Variants in SLC1A6 observed in about 807,000 individuals in gnomAD.
SLC1A6 encodes the protein excitatory amino acid transporter 4.
A neutral mutation model predicts 42.1 loss-of-function variants in SLC1A6; 15 were observed. That is an observed-to-expected ratio of 0.36 (90% CI 0.24 to 0.55). SLC1A6 has a LOEUF of 0.55. Ranked by LOEUF, SLC1A6 falls within the 20% of genes least tolerant of loss-of-function variation. SLC1A6 has a pLI of 0.88. For synonymous variants in SLC1A6, 317 were observed against 319.7 expected (o/e 0.99, Z 0.09); for missense variants, 542 against 772.5 (o/e 0.70, Z 3.54).
chr19:14,959,164 G>T (rs144116235), intron 6 of SLC1A6, among the ~76,000 whole-genome samples: 251 of 152,282 alleles, frequency 1.6e-3, no homozygotes, highest in African/African-American at 5.6e-3. Context: ...GTGCTCACAG[G>T]CATGTCCCAG....
chr19:14,975,776 A>G (rs113176077), intron 1 of SLC1A6, among the ~76,000 whole-genome samples: 95,946 of 134,046 alleles, frequency 0.72, 35,451 homozygotes, highest in African/African-American at 0.81. Flanking sequence ...GGAAAAAAAA[A>G]AAAGAAAGAA....
intron 9 of SLC1A6, among the ~76,000 whole-genome samples, chr19:14,951,253 C>CT: frequency 1.2e-5 from 1 of 86,862 alleles, no homozygotes; most frequent in Non-Finnish European, 2.1e-5. Context: ...CTCTGTCTCA[C>CT]AAAAAAAAAA....
intron 1 of SLC1A6, among the ~76,000 whole-genome samples, chr19:14,995,939 G>T (rs971389241): frequency 6.6e-6 from 1 of 152,090 alleles, no homozygotes; most frequent in Admixed American, 6.6e-5. Flanking sequence ...GGAAGGAAAA[G>T]GGGGTGTCCA....
intron 1 of SLC1A6, among the ~76,000 whole-genome samples, chr19:14,987,925 C>A (rs2145229623): frequency 6.6e-6 from 1 of 152,262 alleles, no homozygotes; most frequent in Non-Finnish European, 1.5e-5. Flanking sequence ...GTAGGGCAAT[C>A]ATAGTTTACT....
chr19:14,972,655 G>T (rs1450527107), intron 2 of SLC1A6, 51 bp downstream of exon 2: 3 of 1,519,264 alleles, frequency 2.0e-6, no homozygotes, highest in South Asian at 2.3e-5. Flanking sequence ...GAATTTCCCT[G>T]AAGTCCCCGC....
chr19:14,968,274 G>A (rs749275227), intron 4 of SLC1A6, 29 bp downstream of exon 4: 1 of 1,517,826 alleles, frequency 6.6e-7, no homozygotes, highest in Non-Finnish European at 9.1e-7. Flanking sequence ...TTTCAAATGT[G>A]TATATTGTGG....
chr19:14,971,364 C>T (rs2045638405), intron 3 of SLC1A6, among the ~76,000 whole-genome samples: 1 of 152,120 alleles, frequency 6.6e-6, no homozygotes, highest in African/African-American at 2.4e-5. Context: ...ATCTCACTCA[C>T]CTTCCACACC....
rs1286197751 is a variant in SLC1A6, at chr19:14,962,229, G to A, written c.708C>T (p.Phe236=). Residue 236 remains phenylalanine, a synonymous_variant, in exon 6 of 10, where the codon TTC becomes TTT. Transcript: ENST00000594383. ...CCAAGGCCCGAGTGACATTTTCCAG[G>A]AAGCTGGTTCCGTTCTCCACTGAGA... ...PPFSVENGTS[F]LENVTRALGT... 6.2e-7 allele frequency: 1 copy of A among 1,614,188 alleles called. No individual in the cohort carries two copies. The highest frequency in any genetic ancestry group is 8.5e-7 in the Non-Finnish European group (1 of 1,180,040).
chr19:14,985,608 G>A (rs2045789016), intron 1 of SLC1A6, among the ~76,000 whole-genome samples: 1 of 152,194 alleles, frequency 6.6e-6, no homozygotes, highest in Non-Finnish European at 1.5e-5. Context: ...CTGCAGAACT[G>A]TGAGCCAAAA....
chr19:14,958,617 A>C (rs1474421066), intron 6 of SLC1A6, among the ~76,000 whole-genome samples: 1 of 151,928 alleles, frequency 6.6e-6, no homozygotes, highest in African/African-American at 2.4e-5. Context: ...AGTCAACATG[A>C]CTAGATCCAC....
chr19:14,988,178 G>A (rs1802945533), intron 1 of SLC1A6, among the ~76,000 whole-genome samples: 1 of 152,202 alleles, frequency 6.6e-6, no homozygotes. Flanking sequence ...GGAAAGGAAT[G>A]TGTTTATTAA....
chr19:14,954,632 T>A (rs1315615909), intron 7 of SLC1A6, among the ~76,000 whole-genome samples: 1 of 151,978 alleles, frequency 6.6e-6, no homozygotes, highest in African/African-American at 2.4e-5. Context: ...GGGCTGGGCG[T>A]GGCCTGGGCA....
chr19:14,968,798 A>G (rs1277273122), intron 3 of SLC1A6, among the ~76,000 whole-genome samples: 3 of 149,514 alleles, frequency 2.0e-5, no homozygotes, highest in African/African-American at 7.4e-5. Flanking sequence ...CCACACTTTC[A>G]CCCCATCCTC....
intron 6 of SLC1A6, among the ~76,000 whole-genome samples, chr19:14,957,170 G>A (rs1838281881): frequency 1.3e-5 from 2 of 152,028 alleles, no homozygotes; most frequent in Non-Finnish European, 2.9e-5. Context: ...CCCTATCAGT[G>A]CCTGTTATCA....
intron 1 of SLC1A6, among the ~76,000 whole-genome samples, chr19:14,999,488 A>G (rs1298441871): frequency 6.6e-6 from 1 of 152,234 alleles, no homozygotes; most frequent in Admixed American, 6.5e-5. Flanking sequence ...GCTGTAGCTT[A>G]AAGACCTTGG....
intron 4 of SLC1A6, 131 bp downstream of exon 4, chr19:14,968,172 C>G (rs1216747494): frequency 2.8e-6 from 2 of 720,520 alleles, no homozygotes; most frequent in Non-Finnish European, 4.6e-6. Flanking sequence ...CTTAGAAGTG[C>G]CCGTCTCTGC....
At chr19:14,968,200 C>T in intron 4 of SLC1A6, 103 bp downstream of exon 4, 1 of 972,132 alleles carries the variant, frequency 1.0e-6, no homozygotes, top group Non-Finnish European at 1.5e-6. Context: ...CGGACGCATG[C>T]TTCCCAGCCT....
chr19:14,957,152 A>G (rs2045470492), intron 6 of SLC1A6, among the ~76,000 whole-genome samples: 1 of 151,970 alleles, frequency 6.6e-6, no homozygotes, highest in Non-Finnish European at 1.5e-5. Flanking sequence ...GTATGCCCCT[A>G]TTCTCTTCCC....
Position 14,962,234 on chromosome 19 carries a change from T to C in SLC1A6, c.703A>G (p.Ser235Gly), listed in dbSNP as rs141575919. The C allele has an allele frequency of 8.5e-5, 137 of 1,614,174 alleles. No individual in the cohort carries two copies. In the African/African-American group the frequency reaches 1.7e-3, roughly 20 times the overall value. The change falls in exon 6 of 10, where the codon AGC becomes GGC. Residue 235 changes from serine (S) to glycine (G), a missense_variant. Ser to Gly is a moderately conservative substitution (Grantham distance 56). This residue lies in a region of SLC1A6 where 298 missense variants were observed against 419.4 expected (regional missense o/e 0.71). Transcript: ENST00000594383. ...GCCCGAGTGACATTTTCCAGGAAGC[T>C]GGTTCCGTTCTCCACTGAGAATGGA... is the stretch of plus-strand genomic sequence containing the variant. ...PPPFSVENGT[S>G]FLENVTRALG... is the part of the protein sequence containing the mutation.
Sources: allele counts gnomAD v4.1 joint callset (sites outside exome capture counted in the v4.1 genomes callset), GRCh38; gene constraint gnomAD v4.1.1; regional missense constraint gnomAD v4.1.1; transcripts MANE v1.5; gene names NCBI Gene and HGNC (gene_info 2026-07-23, HGNC 2026-07-21).